Variants in IFT81 observed in about 807,000 individuals in gnomAD.
IFT81 encodes the protein intraflagellar transport protein 81 homolog.
A neutral mutation model predicts 102.6 loss-of-function variants in IFT81; 72 were observed. The observed-to-expected ratio is 0.70, with a 90% CI of 0.58 to 0.85. The LOEUF (loss-of-function observed/expected upper bound fraction) is 0.85. Among genes scored for constraint, IFT81 ranks in the 40% least tolerant of loss-of-function variants. The pLI is 0.00. For missense variants in IFT81, 723 were observed against 787.3 expected (o/e 0.92, Z 0.98); for synonymous variants, 237 against 242.7 (o/e 0.98, Z 0.22).
intron 12 of IFT81, among the ~76,000 whole-genome samples, chr12:110,182,351 G>A (rs542934855): frequency 5.9e-5 from 9 of 152,268 alleles, no homozygotes; most frequent in Non-Finnish European, 1.3e-4. Flanking sequence ...GCTACATTTG[G>A]TTCCAAGGAC....
chr12:110,168,559 G>A (rs1566138137), intron 11 of IFT81: 1 of 418,636 alleles, frequency 2.4e-6, no homozygotes. Context: ...GTCTGATTAT[G>A]CCTGGAGTAT....
rs1894384614 is a variant in IFT81 at position 110,134,871 on chromosome 12, A to T, written c.520-77A>T. ...TAAATGATGAAAATGTTAGATGCAT[A>T]ATCAAAATAAAACCTTATCTGTTTC... is the stretch of plus-strand genomic sequence containing the variant. On this transcript the variant is annotated intron_variant, in intron 5 of 18. Coordinates refer to ENST00000242591, the MANE Select transcript of IFT81 (RefSeq NM_014055.4). 11 of 1,039,466 alleles carry T rather than the reference A, an allele frequency of 1.1e-5. No individual in the cohort carries two copies. In the East Asian group the frequency reaches 2.8e-4, roughly 26 times the overall value. 64.4% of individuals were successfully genotyped at this position (1,039,466 alleles called of 1,614,324 possible). A position where few individuals can be genotyped will look rare whatever the true frequency, so the allele number is the denominator to read the frequency against.
chr12:110,128,804 A>T, intron 3 of IFT81, 146 bp from the exon 4 acceptor site: 1 of 620,802 alleles, frequency 1.6e-6, no homozygotes, highest in Non-Finnish European at 2.7e-6. Context: ...AAAAAAAAAA[A>T]AAAAAAGATT....
intron 18 of IFT81, among the ~76,000 whole-genome samples, chr12:110,213,733 C>A (rs117527228): frequency 0.028 from 4,203 of 152,230 alleles, 85 homozygotes; most frequent in Middle Eastern, 0.082. Flanking sequence ...TGAGTTGGTT[C>A]TTTATCATCC....
chr12:110,128,980 A>G lies in IFT81; in HGVS notation c.279A>G (p.Gly93=). Reference sequence around the variant, plus strand: ...CTTTTCGTCAGGGTTTGGTGATTGGAAGTAAACCTGTAATTTACCCAGTGC... The same window carrying G: ...CTTTTCGTCAGGGTTTGGTGATTGGGAGTAAACCTGTAATTTACCCAGTGC... The part of the protein sequence containing the change: ...MSTFRQGLVI[G]SKPVIYPVLH... Residue 93 remains glycine (G), a synonymous_variant, in exon 4 of 19, where the codon GGA becomes GGG. Transcript: ENST00000242591. The G allele has an allele frequency of 6.2e-7, 1 of 1,613,594 alleles. No homozygotes were observed. The highest frequency in any genetic ancestry group is 8.5e-7 in the Non-Finnish European group (1 of 1,179,804).
intron 8 of IFT81, 111 bp from the exon 9 acceptor site, chr12:110,143,271 A>G: frequency 1.8e-6 from 1 of 558,314 alleles, no homozygotes; most frequent in East Asian, 4.9e-5. Flanking sequence ...TATATTATAC[A>G]GTTTGTTTTC....
chr12:110,207,757 G>T (rs1015515770), intron 17 of IFT81, among the ~76,000 whole-genome samples: 10 of 151,706 alleles, frequency 6.6e-5, no homozygotes, highest in African/African-American at 2.4e-4. Context: ...TAGAGACAGG[G>T]TTTCACCGTG....
intron 10 of IFT81, among the ~76,000 whole-genome samples, chr12:110,160,173 T>C (rs920017862): frequency 6.6e-6 from 1 of 152,194 alleles, no homozygotes; most frequent in Non-Finnish European, 1.5e-5. Context: ...TCAGAACTAA[T>C]AGGATATAGG....
chr12:110,134,963 G>C lies in IFT81; in HGVS notation c.535G>C (p.Glu179Gln). The C allele has an allele frequency of 6.2e-7, 1 of 1,610,746 alleles. No homozygotes were observed. The highest frequency in any genetic ancestry group is 1.3e-5 in the African/African-American group (1 of 74,800). Residue 179 changes from glutamate (E) to glutamine (Q), a missense_variant, in exon 6 of 19, where the codon GAA becomes CAA. Coordinates refer to ENST00000242591, the MANE Select transcript of IFT81 (RefSeq NM_014055.4). ...AEIRKDISAMEEEKDQLIKRV... is the reference protein window; with the variant it reads ...AEIRKDISAMQEEKDQLIKRV... ...CACTTTTTAGGATATCAGTGCAATG[G>C]AAGAAGAAAAGGATCAGCTCATTAA... is the stretch of plus-strand genomic sequence containing the variant.
chr12:110,174,368 T>C (rs1896947639), intron 11 of IFT81, among the ~76,000 whole-genome samples: 1 of 148,990 alleles, frequency 6.7e-6, no homozygotes, highest in Admixed American at 6.7e-5. Flanking sequence ...GGCCAGAGAA[T>C]TGCTTGAACC....
intron 18 of IFT81, among the ~76,000 whole-genome samples, chr12:110,209,980 C>T (rs1374320369): frequency 6.6e-6 from 1 of 152,068 alleles, no homozygotes; most frequent in African/African-American, 2.4e-5. Flanking sequence ...TGAAATAGGA[C>T]TGTATAATTA....
intron 17 of IFT81, among the ~76,000 whole-genome samples, chr12:110,208,615 A>T (rs559614188): frequency 1.3e-5 from 2 of 152,112 alleles, no homozygotes; most frequent in Non-Finnish European, 2.9e-5. Flanking sequence ...ACTCCTTATT[A>T]TTTGTTTCAA....
At chr12:110,142,906 A>G (rs1379806818) in intron 8 of IFT81, among the ~76,000 whole-genome samples, 1 of 152,120 alleles carries the variant, frequency 6.6e-6, no homozygotes, top group Non-Finnish European at 1.5e-5. Flanking sequence ...CTATCTCAAA[A>G]AAATAAAAAA....
intron 10 of IFT81, among the ~76,000 whole-genome samples, chr12:110,150,553 C>T (rs1273008991): frequency 5.3e-5 from 8 of 152,134 alleles, no homozygotes; most frequent in Admixed American, 4.6e-4. Flanking sequence ...CCTTATCCCA[C>T]GTTGAAAATC....
chr12:110,163,899 C>G (rs1896295800), intron 11 of IFT81, among the ~76,000 whole-genome samples: 1 of 151,968 alleles, frequency 6.6e-6, no homozygotes, highest in African/African-American at 2.4e-5. Flanking sequence ...CAGGTGTGAG[C>G]CACTGCACCC....
chr12:110,208,714 T>G (rs916474013), intron 17 of IFT81, among the ~76,000 whole-genome samples: 1 of 152,214 alleles, frequency 6.6e-6, no homozygotes, highest in Admixed American at 6.5e-5. Context: ...ATTGATGAAA[T>G]AAATAGTCTG....
In IFT81 at chr12:110,127,514, T is replaced by C. The variant is rs1227213671; in HGVS notation, c.134T>C (p.Ile45Thr). The change falls in exon 2 of 19, where the codon ATT becomes ACT. Residue 45 changes from isoleucine (I) to threonine (T), a missense_variant. Ile to Thr is a moderately conservative substitution (Grantham distance 89, BLOSUM62 -1). Transcript: ENST00000242591. ...GTTCTCAGTGATGTTCTGGCTGAGA[T>C]TGACCCAAAGGTAAGAGTTTTCTCT... is the stretch of plus-strand genomic sequence containing the variant. Reference protein sequence around the residue: ...LQVLSDVLAEIDPKQLVDIRE... With the variant: ...LQVLSDVLAETDPKQLVDIRE... 2.5e-6 allele frequency: 4 copies of C among 1,597,674 alleles called. No homozygotes were observed. The highest frequency in any genetic ancestry group is 2.2e-5 in the East Asian group (1 of 44,704).
chr12:110,191,176 T>TTTTTTTC (rs1897781761), intron 13 of IFT81, 128 bp downstream of exon 13: 3 of 905,126 alleles, frequency 3.3e-6, no homozygotes, highest in Non-Finnish European at 4.7e-6. Context: ...ATCTTTTTTT[T>TTTTTTTC]TTTTTTCTTT....
In IFT81 at chr12:110,205,501, A is replaced by G. The variant is rs776367561; in HGVS notation, c.1703A>G (p.Asn568Ser). Reference sequence around the variant, plus strand: ...GAAGAAAGTAGATACCATTATACAAATTGTATGATTAAGGTAAGACAAAGT... The same window carrying G: ...GAAGAAAGTAGATACCATTATACAAGTTGTATGATTAAGGTAAGACAAAGT... ...LQEESRYHYT[N>S]CMIKNLEVQL... The change falls in exon 16 of 19, where the codon AAT becomes AGT. Residue 568 changes from asparagine (N) to serine (S), a missense_variant. By Grantham distance (46) the Asn-to-Ser change is conservative. Transcript: ENST00000242591. 3 of 1,604,102 alleles carry G rather than the reference A, an allele frequency of 1.9e-6. No individual in the cohort carries two copies. The Admixed American group carries it at 5.2e-5, about 28-fold the overall frequency.
Sources: gnomAD v4.1 joint callset for allele counts (sites outside exome capture counted in the v4.1 genomes callset) on GRCh38, gnomAD v4.1.1 for gene constraint, MANE v1.5 for transcripts, NCBI Gene and HGNC (gene_info 2026-07-23, HGNC 2026-07-21) for gene names.